Variants in UNC13C observed in about 807,000 individuals in gnomAD.
The protein encoded by UNC13C is unc-13 homolog C.
A neutral mutation model predicts 245.4 loss-of-function variants in UNC13C; 174 were observed. That is an observed-to-expected ratio of 0.71 (90% CI 0.63 to 0.80). The LOEUF (loss-of-function observed/expected upper bound fraction) is 0.80, where lower values mean the gene tolerates loss of function less well. Ranked by LOEUF, UNC13C falls within the 30% of genes least tolerant of loss-of-function variation. UNC13C has a pLI of 0.00. For synonymous variants in UNC13C, 992 were observed against 895.1 expected (o/e 1.11, Z -1.93); for missense variants, 2,829 against 2,602.9 (o/e 1.09, Z -1.89).
At chr15:53,895,345 CAAAAAA>C in the UNC13C span, among the ~76,000 whole-genome samples, 14 of 34,264 alleles carry the variant, frequency 4.1e-4, no homozygotes, top group Middle Eastern at 0.018. Flanking sequence ...GATTTCATCT[CAAAAAA>C]AAAAAAAAAA....
chr15:53,858,924 C>T, the UNC13C span, among the ~76,000 whole-genome samples: 1,516 of 151,378 alleles, frequency 0.01, 12 homozygotes, highest in Middle Eastern at 0.041. Flanking sequence ...TCATTTTATG[C>T]CATAGATATA....
At chr15:54,104,876 C>T (rs1448578841) in intron 2 of UNC13C, among the ~76,000 whole-genome samples, 4 of 152,062 alleles carry the variant, frequency 2.6e-5, no homozygotes, top group Admixed American at 1.3e-4. Flanking sequence ...GCTCTGTATT[C>T]TCTGCTGGGC....
chr15:54,546,920 T>C, intron 27 of UNC13C, 75 bp downstream of exon 27: 1 of 1,299,068 alleles, frequency 7.7e-7, no homozygotes, highest in Non-Finnish European at 1.0e-6. Context: ...TTCATCCAGA[T>C]GAAATACTAA....
chr15:54,365,733 G>T (rs941627193), intron 17 of UNC13C, among the ~76,000 whole-genome samples: 49 of 150,140 alleles, frequency 3.3e-4, no homozygotes, highest in African/African-American at 1.0e-3. Flanking sequence ...CTCCTCACTG[G>T]CACTGCTCCC....
At chr15:53,889,913 G>A in the UNC13C span, among the ~76,000 whole-genome samples, 20 of 152,242 alleles carry the variant, frequency 1.3e-4, no homozygotes, top group South Asian at 1.7e-3. Flanking sequence ...CAACTTGATC[G>A]TGGTGGATAA....
At chr15:54,388,365 A>C (rs1479034971) in intron 17 of UNC13C, among the ~76,000 whole-genome samples, 1 of 152,156 alleles carries the variant, frequency 6.6e-6, no homozygotes, top group Non-Finnish European at 1.5e-5. Flanking sequence ...AACTCATAAT[A>C]GTCCAGCGTA....
chr15:54,229,865 G>A (rs1254769923), intron 4 of UNC13C, among the ~76,000 whole-genome samples: 1 of 152,036 alleles, frequency 6.6e-6, no homozygotes, highest in African/African-American at 2.4e-5. Flanking sequence ...ATGTCATCAA[G>A]ATCATGTGGT....
intron 30 of UNC13C, among the ~76,000 whole-genome samples, chr15:54,586,638 G>T (rs574923848): frequency 6.6e-6 from 1 of 152,298 alleles, no homozygotes; most frequent in African/African-American, 2.4e-5. Flanking sequence ...ACAAAATTCA[G>T]TCCATAACAA....
At chr15:54,000,381 TG>T (rs997708515) in intron 1 of UNC13C, among the ~76,000 whole-genome samples, 10 of 152,114 alleles carry the variant, frequency 6.6e-5, no homozygotes, top group Non-Finnish European at 1.5e-4. Flanking sequence ...TAACTATTCT[TG>T]GAATCAAGCC....
the UNC13C span, among the ~76,000 whole-genome samples, chr15:53,962,594 A>G: frequency 6.6e-6 from 1 of 152,182 alleles, no homozygotes; most frequent in Admixed American, 6.5e-5. Flanking sequence ...GCTGTACCAA[A>G]CAGTGACAGT....
chr15:54,500,014 G>A (rs1894128552), intron 20 of UNC13C, 65 bp from the exon 21 acceptor site: 1 of 1,179,336 alleles, frequency 8.5e-7, no homozygotes, highest in African/African-American at 1.6e-5. Context: ...AAAAAGAGCA[G>A]CATTCCTGTT....
At chr15:54,324,580 AT>A (rs956409383) in intron 14 of UNC13C, among the ~76,000 whole-genome samples, 10 of 151,708 alleles carry the variant, frequency 6.6e-5, no homozygotes, top group Non-Finnish European at 1.2e-4. Context: ...GATGACAGTG[AT>A]TTTTTTTTAA....
intron 18 of UNC13C, among the ~76,000 whole-genome samples, chr15:54,401,719 A>T (rs1345564792): frequency 6.6e-6 from 1 of 152,102 alleles, no homozygotes; most frequent in Non-Finnish European, 1.5e-5. Flanking sequence ...TTTGTGCCTG[A>T]TGATCCCCAT....
At chr15:54,624,281 C>A (rs1900999522) in intron 32 of UNC13C, among the ~76,000 whole-genome samples, 1 of 152,142 alleles carries the variant, frequency 6.6e-6, no homozygotes, top group African/African-American at 2.4e-5. Flanking sequence ...GTGGTAAGTG[C>A]TATGACTAGC....
chr15:54,260,920 G>C (rs981891516), intron 8 of UNC13C, among the ~76,000 whole-genome samples: 1 of 151,814 alleles, frequency 6.6e-6, no homozygotes, highest in African/African-American at 2.4e-5. Flanking sequence ...CTGAAGTTTA[G>C]ATGTTTTGTC....
Position 54,322,091 on chromosome 15 carries a change from T to G in UNC13C, c.4421T>G (p.Phe1474Cys). 1 of 1,563,010 alleles carries G rather than the reference T, an allele frequency of 6.4e-7. No homozygotes were observed. Among genetic ancestry groups the G allele is most frequent in the Non-Finnish European group, 8.7e-7 (1 of 1,155,200 alleles). The change falls in exon 14 of 33, where the codon TTT becomes TGT. Residue 1474 changes from phenylalanine (F) to cysteine (C), a missense_variant. By Grantham distance (205) the Phe-to-Cys change is radical (BLOSUM62 -2). Transcript: ENST00000260323. ...SASDRFAATN[F>C]GREKFIKLLD... is the part of the protein sequence containing the mutation. The stretch of plus-strand genomic sequence containing the variant: ...TCAGATCGATTTGCTGCTACCAACT[T>G]TGGTGTAAGTATAATTTTTTAAACT...
chr15:53,964,630 A>G, the UNC13C span, among the ~76,000 whole-genome samples: 1 of 152,184 alleles, frequency 6.6e-6, no homozygotes, highest in African/African-American at 2.4e-5. Flanking sequence ...TGTGGTATTT[A>G]AATACACATC....
intron 30 of UNC13C, among the ~76,000 whole-genome samples, chr15:54,584,988 C>G (rs1221447901): frequency 6.6e-6 from 1 of 152,186 alleles, no homozygotes; most frequent in Non-Finnish European, 1.5e-5. Context: ...TTGAGTAAAA[C>G]CAATTTTGGC....
At chr15:54,403,093 G>T (rs979547915) in intron 18 of UNC13C, among the ~76,000 whole-genome samples, 2 of 152,150 alleles carry the variant, frequency 1.3e-5, no homozygotes, top group Admixed American at 6.5e-5. Flanking sequence ...GCTTGTACCA[G>T]GTCTTGCAGT....
Sources: allele counts gnomAD v4.1 joint callset (sites outside exome capture counted in the v4.1 genomes callset), GRCh38; gene constraint gnomAD v4.1.1; transcripts MANE v1.5; gene names NCBI Gene and HGNC (gene_info 2026-07-23, HGNC 2026-07-21).